The following MAGI1 variants were observed in gnomAD, a reference collection of about 807,000 sequenced individuals.
MAGI1 encodes membrane-associated guanylate kinase, WW and PDZ domain-containing protein 1.
A neutral mutation model predicts 139.9 loss-of-function variants in MAGI1; 58 were observed. The ratio of observed to expected loss-of-function variants is 0.41; its 90% CI spans 0.34 to 0.52. The LOEUF (loss-of-function observed/expected upper bound fraction) is 0.52, where lower values mean the gene tolerates loss of function less well. Ranked by LOEUF, MAGI1 falls within the 20% of genes least tolerant of loss-of-function variation. The probability of loss-of-function intolerance (pLI) is 0.12; values close to 1 mark genes in which losing one functional copy is unlikely to be tolerated. For synonymous variants in MAGI1, 812 were observed against 737.9 expected (o/e 1.10, Z -1.63); for missense variants, 1,874 against 1,901.6 (o/e 0.99, Z 0.27).
intron 2 of MAGI1, among the ~76,000 whole-genome samples, chr3:65,530,989 G>A (rs116485818): frequency 0.015 from 2,190 of 150,950 alleles, 54 homozygotes; most frequent in African/African-American, 0.048. Flanking sequence ...GAAAAATAAG[G>A]ACAATAATCC....
chr3:65,920,135 C>T (rs1224838460), intron 1 of MAGI1, among the ~76,000 whole-genome samples: 1 of 152,304 alleles, frequency 6.6e-6, no homozygotes, highest in African/African-American at 2.4e-5. Flanking sequence ...TTACCCACAA[C>T]AGTCCTGTTC....
At chr3:65,789,137 C>T (rs771904668) in intron 1 of MAGI1, among the ~76,000 whole-genome samples, 3 of 152,100 alleles carry the variant, frequency 2.0e-5, no homozygotes, top group Non-Finnish European at 4.4e-5. Flanking sequence ...GCTATGATCG[C>T]ACCACTGCAC....
intron 1 of MAGI1, among the ~76,000 whole-genome samples, chr3:65,679,070 A>G (rs540743352): frequency 2.0e-4 from 31 of 152,282 alleles, no homozygotes; most frequent in Non-Finnish European, 1.0e-4. Context: ...TCAGCTAAGC[A>G]TATCTTTGGA....
At chr3:65,672,467 A>C (rs1206320471) in intron 1 of MAGI1, among the ~76,000 whole-genome samples, 5 of 152,238 alleles carry the variant, frequency 3.3e-5, no homozygotes, top group African/African-American at 1.2e-4. Context: ...ATATCGGTTT[A>C]GGTCACACTT....
chr3:65,359,615 T>C (rs1156623179), intron 22 of MAGI1: 5 of 994,470 alleles, frequency 5.0e-6, no homozygotes, highest in African/African-American at 1.8e-5. Flanking sequence ...CAGAAAAATA[T>C]TGGAACTTAA....
At chr3:65,416,113 G>T (rs184672177) in intron 12 of MAGI1, among the ~76,000 whole-genome samples, 1 of 151,518 alleles carries the variant, frequency 6.6e-6, no homozygotes, top group East Asian at 1.9e-4. Flanking sequence ...ATTTCCAAGC[G>T]ATTTTTGAAA....
At chr3:66,009,779 A>G (rs2067226518) in intron 1 of MAGI1, among the ~76,000 whole-genome samples, 2 of 151,986 alleles carry the variant, frequency 1.3e-5, no homozygotes, top group Non-Finnish European at 2.9e-5. Flanking sequence ...TAAAAGAATC[A>G]TTGTTGGCTG....
At chr3:65,426,834 G>A (rs1160405471) in intron 12 of MAGI1, among the ~76,000 whole-genome samples, 3 of 152,004 alleles carry the variant, frequency 2.0e-5, no homozygotes, top group African/African-American at 4.8e-5. Flanking sequence ...CAAGACATAT[G>A]GTGTATTTTA....
intron 2 of MAGI1, among the ~76,000 whole-genome samples, chr3:65,506,711 T>C (rs992754343): frequency 2.0e-5 from 3 of 152,188 alleles, no homozygotes; most frequent in South Asian, 2.1e-4. Context: ...AGGATCTCAA[T>C]TGCCCTAATT....
At chr3:65,402,507 T>C (rs567875583) in intron 12 of MAGI1, among the ~76,000 whole-genome samples, 2 of 152,298 alleles carry the variant, frequency 1.3e-5, no homozygotes, top group South Asian at 4.1e-4. Flanking sequence ...CCTCTTTTGA[T>C]TTTTTTCTTT....
chr3:66,027,128 C>A (rs1032971963), intron 1 of MAGI1, among the ~76,000 whole-genome samples: 1 of 151,686 alleles, frequency 6.6e-6, no homozygotes, highest in Non-Finnish European at 1.5e-5. Context: ...AATAGCCAGG[C>A]GTGGTGGCGG....
chr3:65,778,988 G>A (rs562238257), intron 1 of MAGI1, among the ~76,000 whole-genome samples: 1 of 152,246 alleles, frequency 6.6e-6, no homozygotes, highest in East Asian at 1.9e-4. Flanking sequence ...TAAATAACTT[G>A]CAACACACAG....
At chr3:65,778,225 T>C (rs888541787) in intron 1 of MAGI1, among the ~76,000 whole-genome samples, 1 of 151,384 alleles carries the variant, frequency 6.6e-6, no homozygotes, top group Non-Finnish European at 1.5e-5. Flanking sequence ...AGGTAAGGAG[T>C]TCAAGATCAG....
intron 1 of MAGI1, among the ~76,000 whole-genome samples, chr3:65,638,651 C>T (rs112691091): frequency 0.052 from 6,875 of 131,466 alleles, 193 homozygotes; most frequent in Non-Finnish European, 0.067. Context: ...GCTCTTTCAC[C>T]CAGGCTGGAG....
chr3:65,733,674 G>T (rs750842854), intron 1 of MAGI1, among the ~76,000 whole-genome samples: 14 of 152,332 alleles, frequency 9.2e-5, no homozygotes, highest in Middle Eastern at 3.4e-3. Context: ...TCTTCAGCCA[G>T]TCCCTTCCTT....
intron 1 of MAGI1, among the ~76,000 whole-genome samples, chr3:65,634,344 GC>G (rs1383710480): frequency 6.6e-6 from 1 of 152,230 alleles, no homozygotes; most frequent in Non-Finnish European, 1.5e-5. Flanking sequence ...AGGTTTTTAA[GC>G]CAGTGCCTGA....
chr3:65,410,724 T>A (rs976111296), intron 12 of MAGI1, among the ~76,000 whole-genome samples: 6 of 152,078 alleles, frequency 3.9e-5, no homozygotes, highest in African/African-American at 2.4e-5. Context: ...TCTTAACACA[T>A]CCCTGATATT....
intron 2 of MAGI1, among the ~76,000 whole-genome samples, chr3:65,541,084 T>C (rs2079191785): frequency 6.6e-6 from 1 of 152,082 alleles, no homozygotes; most frequent in Non-Finnish European, 1.5e-5. Flanking sequence ...AATCTGAACA[T>C]ATATTAAAAC....
chr3:65,971,405 G>A (rs1400211185), intron 1 of MAGI1, among the ~76,000 whole-genome samples: 1 of 152,054 alleles, frequency 6.6e-6, no homozygotes, highest in Admixed American at 6.5e-5. Flanking sequence ...ATGATCTCTG[G>A]AGACCATCTG....
Sources: allele counts gnomAD v4.1 joint callset (sites outside exome capture counted in the v4.1 genomes callset), GRCh38; gene constraint gnomAD v4.1.1; transcripts MANE v1.5; gene names NCBI Gene and HGNC (gene_info 2026-07-23, HGNC 2026-07-21).